ZNF451: variants seen among roughly 807,000 people sequenced by gnomAD.
ZNF451 encodes E3 SUMO-protein ligase ZNF451.
In ZNF451, 80 loss-of-function variants were observed where a neutral mutation model predicts 107.1. The observed-to-expected ratio is 0.75, with a 90% confidence interval of 0.62 to 0.90. The LOEUF (loss-of-function observed/expected upper bound fraction) is 0.90, where lower values mean the gene tolerates loss of function less well. ZNF451 is among the 40% of genes least tolerant of loss of function. The probability of loss-of-function intolerance (pLI) is 0.00; values close to 1 mark genes in which losing one functional copy is unlikely to be tolerated. For missense variants in ZNF451, 1,107 were observed against 1,236.2 expected, an observed-to-expected ratio of 0.90 and a Z score of 1.57; for synonymous variants, 362 against 406.5, an observed-to-expected ratio of 0.89 and a Z score of 1.32.
intron 3 of ZNF451, chr6:57,100,652 T>C: frequency 1.3e-6 from 2 of 1,546,392 alleles, no homozygotes; most frequent in Non-Finnish European, 1.7e-6. Context: ...CGCCCAGAAA[T>C]GTGCTCTAGC....
chr6:57,118,215 CT>C (rs796159711), intron 3 of ZNF451, among the ~76,000 whole-genome samples: 96 of 145,246 alleles, frequency 6.6e-4, no homozygotes, highest in Middle Eastern at 3.6e-3. Context: ...TCATTACTGT[CT>C]TTTTTTTTTT....
rs973974448 is a variant in ZNF451, at chr6:57,107,051, T to G, written c.186+7910T>G. 8 of 974,898 alleles carry G rather than the reference T, an allele frequency of 8.2e-6. No individual in the cohort carries two copies. In the African/African-American group the frequency reaches 1.4e-4, roughly 17 times the overall value. 60.4% of individuals were successfully genotyped at this position (974,898 alleles called of 1,614,324 possible). ...TTTGTCTTTTCATTTACTTGTTTTT[T>G]GTTATAATGAAAACTTTACTAGTGT... On this transcript the variant is annotated intron_variant, in intron 3 of 14. Coordinates refer to ENST00000370706, the MANE Select transcript of ZNF451 (RefSeq NM_001031623.3).
intron 12 of ZNF451, among the ~76,000 whole-genome samples, chr6:57,153,477 T>G (rs1040662725): frequency 1.3e-5 from 2 of 151,828 alleles, no homozygotes; most frequent in East Asian, 3.9e-4. Flanking sequence ...GGCGCGATCT[T>G]GGCTGCAACT....
chr6:57,125,507 T>G (rs899018201), intron 4 of ZNF451, among the ~76,000 whole-genome samples: 2 of 152,198 alleles, frequency 1.3e-5, no homozygotes, highest in African/African-American at 4.8e-5. Flanking sequence ...AATGGAAATT[T>G]AAATCATGCC....
chr6:57,130,941 G>T (rs563550969), intron 5 of ZNF451, among the ~76,000 whole-genome samples: 2 of 152,144 alleles, frequency 1.3e-5, no homozygotes, highest in East Asian at 3.9e-4. Flanking sequence ...GGAATCTATT[G>T]CTTGAACAGC....
chr6:57,112,243 A>C (rs1299083466), intron 3 of ZNF451, among the ~76,000 whole-genome samples: 2 of 152,200 alleles, frequency 1.3e-5, no homozygotes, highest in Admixed American at 1.3e-4. Context: ...TTGAAGCTTT[A>C]GGATGGGCAA....
rs1593064523 is a variant in ZNF451 at position 57,090,218 on chromosome 6, A to G, written c.-36A>G. On this transcript the variant is annotated 5_prime_UTR_variant, in exon 1 of 15. Transcript: ENST00000370706. Reference sequence around the variant, plus strand: ...TGGCGACGGCGGCGGCAGGGACAGCAGGAGCAGTGGTGCTGTCAGCGCGGC... The same window carrying G: ...TGGCGACGGCGGCGGCAGGGACAGCGGGAGCAGTGGTGCTGTCAGCGCGGC... The G allele has an allele frequency of 1.2e-6, 2 of 1,604,970 alleles. No individual in the cohort carries two copies. The highest frequency in any genetic ancestry group is 2.2e-5 in the East Asian group (1 of 44,496).
chr6:57,129,346 G>A (rs1831075085), intron 5 of ZNF451, among the ~76,000 whole-genome samples: 1 of 152,144 alleles, frequency 6.6e-6, no homozygotes, highest in South Asian at 2.1e-4. Context: ...ATTCCTTGAA[G>A]AGTTGCTGTG....
chr6:57,127,297 A>G (rs1321577217), intron 4 of ZNF451, among the ~76,000 whole-genome samples: 1 of 152,118 alleles, frequency 6.6e-6, no homozygotes, highest in Non-Finnish European at 1.5e-5. Flanking sequence ...TAACGTTTTA[A>G]ATTTTGTGTT....
chr6:57,104,693 G>T, intron 3 of ZNF451: 10 of 985,182 alleles, frequency 1.0e-5, no homozygotes, highest in Non-Finnish European at 1.2e-5. Flanking sequence ...GCATTGTTGC[G>T]CAGCTCCTCC....
intron 14 of ZNF451, among the ~76,000 whole-genome samples, chr6:57,167,039 T>C (rs949492381): frequency 1.3e-5 from 2 of 152,230 alleles, no homozygotes; most frequent in Admixed American, 1.3e-4. Context: ...TACTTAATGA[T>C]GGTTTGATTT....
chr6:57,143,068 A>G (rs1378841572), intron 9 of ZNF451, among the ~76,000 whole-genome samples: 1 of 152,024 alleles, frequency 6.6e-6, no homozygotes, highest in Non-Finnish European at 1.5e-5. Flanking sequence ...TATATTCTAG[A>G]TACAAATCTT....
intron 3 of ZNF451, chr6:57,101,270 G>A: frequency 6.4e-7 from 1 of 1,551,012 alleles, no homozygotes; most frequent in Non-Finnish European, 8.7e-7. Flanking sequence ...TCATGTGAAG[G>A]GAAACCTGAT....
intron 3 of ZNF451, among the ~76,000 whole-genome samples, chr6:57,114,441 T>A (rs1269238539): frequency 6.6e-6 from 1 of 152,224 alleles, no homozygotes; most frequent in East Asian, 1.9e-4. Flanking sequence ...CTTTAAGTGA[T>A]AACGGTGTTT....
Position 57,108,134 on chromosome 6 carries a change from C to T in ZNF451, c.186+8993C>T, listed in dbSNP as rs908251392. 31 of 985,156 alleles carry T rather than the reference C, an allele frequency of 3.1e-5. 1 individual carries two copies. The highest frequency in any genetic ancestry group is 2.3e-4 in the South Asian group (5 of 21,284). 61.0% of individuals were successfully genotyped at this position (985,156 alleles called of 1,614,324 possible). On this transcript the variant is annotated intron_variant, in intron 3 of 14. Transcript: ENST00000370706. ...GATTACAGGCGTGAGCCACAGTGCC[C>T]GGCCTGTATTTGGTGATATTTTAAA...
At chr6:57,155,663 C>T (rs1763387732) in intron 13 of ZNF451, among the ~76,000 whole-genome samples, 1 of 152,052 alleles carries the variant, frequency 6.6e-6, no homozygotes, top group African/African-American at 2.4e-5. Flanking sequence ...AATGTGAAAC[C>T]TGTTATGGTT....
intron 7 of ZNF451, among the ~76,000 whole-genome samples, chr6:57,138,555 C>T (rs1008532103): frequency 6.6e-6 from 1 of 151,388 alleles, no homozygotes; most frequent in Non-Finnish European, 1.5e-5. Flanking sequence ...AGCCATCATG[C>T]CCAGCCCTAC....
At chr6:57,149,238 T>C (rs1832233040) in intron 10 of ZNF451, among the ~76,000 whole-genome samples, 1 of 152,182 alleles carries the variant, frequency 6.6e-6, no homozygotes, top group Non-Finnish European at 1.5e-5. Context: ...AGGGGGAAAA[T>C]TGAAATATGA....
At chr6:57,167,917 A>C (rs1332142818) in intron 14 of ZNF451, among the ~76,000 whole-genome samples, 1 of 152,238 alleles carries the variant, frequency 6.6e-6, no homozygotes, top group Admixed American at 6.5e-5. Flanking sequence ...GATGACATTT[A>C]TGTGGCTATG....
Sources: allele counts gnomAD v4.1 joint callset (sites outside exome capture counted in the v4.1 genomes callset), GRCh38; gene constraint gnomAD v4.1.1; transcripts MANE v1.5; gene names NCBI Gene and HGNC (gene_info 2026-07-23, HGNC 2026-07-21).